LIPH: variants seen among roughly 807,000 people sequenced by gnomAD.
LIPH encodes lipase member H.
A neutral mutation model predicts 47.6 loss-of-function variants in LIPH; 32 were observed. That is an observed-to-expected ratio of 0.67 (90% CI 0.51 to 0.90). The LOEUF (loss-of-function observed/expected upper bound fraction) is 0.90. Among genes scored for constraint, LIPH ranks in the 40% least tolerant of loss-of-function variants. LIPH has a pLI of 0.00. For synonymous variants in LIPH, 190 were observed against 195.6 expected (o/e 0.97, Z 0.24); for missense variants, 497 against 541.4 (o/e 0.92, Z 0.81).
chr3:185,529,670 G>T (rs1720248956), intron 3 of LIPH, among the ~76,000 whole-genome samples: 1 of 151,126 alleles, frequency 6.6e-6, no homozygotes, highest in Non-Finnish European at 1.5e-5. Context: ...CGGGAGGATT[G>T]CTTGAGACCA....
At chr3:185,542,355 G>A (rs894431179) in intron 1 of LIPH, among the ~76,000 whole-genome samples, 1 of 149,942 alleles carries the variant, frequency 6.7e-6, no homozygotes, top group Non-Finnish European at 1.5e-5. Context: ...TTTGCTCGTC[G>A]CCCAGGCTGG....
chr3:185,518,523 G>A (rs955897799), intron 6 of LIPH, among the ~76,000 whole-genome samples: 4 of 150,976 alleles, frequency 2.6e-5, no homozygotes, highest in Admixed American at 1.3e-4. Context: ...CTTGTGATTC[G>A]CCCACCTCAG....
intron 1 of LIPH, among the ~76,000 whole-genome samples, chr3:185,543,180 G>A (rs1049455736): frequency 6.6e-6 from 1 of 152,178 alleles, no homozygotes; most frequent in Non-Finnish European, 1.5e-5. Flanking sequence ...CTGCACTCCA[G>A]CCTGGGCAAC....
chr3:185,519,836 CAAAAAAAAAA>C (rs145391972), intron 5 of LIPH, among the ~76,000 whole-genome samples: 4 of 53,830 alleles, frequency 7.4e-5, no homozygotes, highest in African/African-American at 3.3e-4. Context: ...CACTCCATCT[CAAAAAAAAAA>C]AAAAAAAAAA....
At chr3:185,515,385 G>T (rs1402875425) in intron 7 of LIPH, among the ~76,000 whole-genome samples, 1 of 152,088 alleles carries the variant, frequency 6.6e-6, no homozygotes, top group African/African-American at 2.4e-5. Context: ...AAGGAATAAG[G>T]TCAGTCCTGG....
At position 185,538,058 on chromosome 3, in the gene LIPH, C is replaced by T. The variant is rs140911492; in HGVS notation, c.50-2926G>A. Among the ~76,000 whole-genome samples the T allele has an allele frequency of 8.2e-3, 1,246 of 152,258 alleles. 17 individuals carry two copies. Among genetic ancestry groups the T allele is most frequent in the African/African-American group, 0.028 (1,166 of 41,550 alleles). ...CTGGGCTCAAGTGATCCACTTGCCTCGGCCTCCCAGAGTGCTGGGATTACA... is the reference window on the plus strand; with the variant it reads ...CTGGGCTCAAGTGATCCACTTGCCTTGGCCTCCCAGAGTGCTGGGATTACA... On this transcript the variant is annotated intron_variant, in intron 1 of 9. Coordinates refer to ENST00000296252, the MANE Select transcript of LIPH (RefSeq NM_139248.3).
chr3:185,525,595 T>C (rs1218470485), intron 4 of LIPH, among the ~76,000 whole-genome samples: 2 of 151,960 alleles, frequency 1.3e-5, no homozygotes, highest in African/African-American at 4.8e-5. Context: ...CTGGGCAACA[T>C]AGTGAGACCT....
intron 1 of LIPH, among the ~76,000 whole-genome samples, chr3:185,550,909 G>C (rs568842138): frequency 2.6e-5 from 4 of 152,226 alleles, no homozygotes; most frequent in South Asian, 4.1e-4. Flanking sequence ...TAATAGGCCG[G>C]GCGCGGTGGC....
intron 8 of LIPH, 25 bp from the exon 9 acceptor site, chr3:185,511,722 A>G (rs759383293): frequency 6.4e-7 from 1 of 1,559,306 alleles, no homozygotes; most frequent in East Asian, 2.2e-5. Flanking sequence ...TAATACTGAA[A>G]AATGGATAAA....
rs973539800 is a variant in LIPH, at chr3:185,521,017, G to A, written c.719-1708C>T. On this transcript the variant is annotated intron_variant, in intron 5 of 9. Transcript: ENST00000296252. ...CCCGAGTAGGTGAGATTATAGGCTCGTACCACCACTTCCGGCTAATTTTGT... is the reference window on the plus strand; with the variant it reads ...CCCGAGTAGGTGAGATTATAGGCTCATACCACCACTTCCGGCTAATTTTGT... Among the ~76,000 whole-genome samples, 13 of 151,834 alleles carry A rather than the reference G, an allele frequency of 8.6e-5. 1 individual carries two copies. The highest frequency in any genetic ancestry group is 7.2e-4 in the Admixed American group (11 of 15,220).
chr3:185,537,416 AG>A (rs1720535141), intron 1 of LIPH, among the ~76,000 whole-genome samples: 1 of 152,126 alleles, frequency 6.6e-6, no homozygotes, highest in Non-Finnish European at 1.5e-5. Flanking sequence ...TAGCCTGTGT[AG>A]CGAGGCGTGC....
At chr3:185,524,231 G>A (rs899679747) in intron 4 of LIPH, 71 bp from the exon 5 acceptor site, 2 of 846,548 alleles carry the variant, frequency 2.4e-6, no homozygotes, top group Non-Finnish European at 4.1e-6. Flanking sequence ...TTGCCTGCCA[G>A]GTATAAGCAG....
At position 185,526,698 on chromosome 3, in the gene LIPH, AAAATAAAAT is replaced by A. The variant is rs1346788403; in HGVS notation, c.628+777_628+785del. Among the ~76,000 whole-genome samples the A allele has an allele frequency of 7.6e-3, 1,092 of 144,568 alleles. 12 individuals are homozygous for A. Among genetic ancestry groups the A allele is most frequent in the African/African-American group, 0.027 (1,044 of 39,182 alleles). 94.8% of individuals were successfully genotyped at this position (144,568 alleles called of 152,430 possible). On this transcript the variant is annotated intron_variant, in intron 4 of 9. Transcript: ENST00000296252. ...TAATATAATATAATATAAAATAAAT[AAAATAAAAT>A]AAATAAAATAAAATAAAATAAAAAT...
chr3:185,538,928 C>CACATATACAT (rs1553825155), intron 1 of LIPH, among the ~76,000 whole-genome samples: 30 of 144,612 alleles, frequency 2.1e-4, no homozygotes, highest in African/African-American at 7.0e-4. Context: ...CACATATACA[C>CACATATACAT]ATATATACAT....
Position 185,511,692 on chromosome 3 carries a change from G to T in LIPH, c.1100C>A (p.Pro367His), listed in dbSNP as rs770265606. Residue 367 changes from proline (P) to histidine (H), a missense_variant, in exon 9 of 10, where the codon CCC (proline) becomes CAC (histidine). Coordinates refer to ENST00000296252, the MANE Select transcript of LIPH (RefSeq NM_139248.3). ...TTGGTGATATTTCTGAAATGTGGTG[G>T]GTTCACTGGAAGGAAGAAGTAATAC... Reference protein sequence around the residue: ...NTTESKINHEPTTFQKYHQVS... With the variant: ...NTTESKINHEHTTFQKYHQVS... 2.5e-6 allele frequency: 4 copies of T among 1,610,078 alleles called. No individual in the cohort carries two copies. Among genetic ancestry groups the T allele is most frequent in the Non-Finnish European group, 3.4e-6 (4 of 1,176,520 alleles).
chr3:185,535,012 A>G lies in LIPH; in HGVS notation c.170T>C (p.Ile57Thr). ...CAAGTTCCCAAAAGCTGAGGAGTTG[A>G]TGGTTTGTGCGCAGGTCAGGTTTTT... is the stretch of plus-strand genomic sequence containing the variant. Reference protein sequence around the residue: ...TRKNLTCAQTINSSAFGNLNV... With the variant: ...TRKNLTCAQTTNSSAFGNLNV... Residue 57 changes from isoleucine to threonine, a missense_variant, in exon 2 of 10, where the codon ATC becomes ACC. Ile to Thr is a moderately conservative substitution (Grantham distance 89). Transcript: ENST00000296252. The G allele has an allele frequency of 3.1e-6, 5 of 1,613,802 alleles. No homozygotes were observed. In the South Asian group the frequency reaches 5.5e-5, roughly 18 times the overall value.
chr3:185,542,139 T>C (rs1379477425), intron 1 of LIPH, among the ~76,000 whole-genome samples: 2 of 152,148 alleles, frequency 1.3e-5, no homozygotes, highest in East Asian at 1.9e-4. Context: ...TTCATGAACA[T>C]GTGTAGAGTG....
intron 7 of LIPH, among the ~76,000 whole-genome samples, chr3:185,514,737 G>A (rs975773651): frequency 1.6e-4 from 25 of 152,180 alleles, no homozygotes; most frequent in African/African-American, 6.0e-4. Flanking sequence ...TTGGTTTCCA[G>A]TCACCATGGT....
intron 2 of LIPH, 26 bp downstream of exon 2, chr3:185,534,739 T>C (rs1289752645): frequency 6.2e-7 from 1 of 1,611,602 alleles, no homozygotes; most frequent in Non-Finnish European, 8.5e-7. Context: ...AACTTAGCTC[T>C]GAATCATCTA....
Sources: allele counts gnomAD v4.1 joint callset (sites outside exome capture counted in the v4.1 genomes callset), GRCh38; gene constraint gnomAD v4.1.1; transcripts MANE v1.5; gene names NCBI Gene and HGNC (gene_info 2026-07-23, HGNC 2026-07-21).